Variants in WIPF2 observed in about 807,000 individuals in gnomAD.
WIPF2 encodes WAS/WASL interacting protein family member 2.
WIPF2 carries 23 observed loss-of-function variants against 38.8 expected under a neutral mutation model. That is an observed-to-expected ratio of 0.59 (90% CI 0.43 to 0.84). The LOEUF is 0.84. Among genes scored for constraint, WIPF2 ranks in the 40% least tolerant of loss-of-function variants. WIPF2 has a pLI of 0.00. For missense variants in WIPF2, 574 were observed against 580.5 expected, an observed-to-expected ratio of 0.99 and a Z score of 0.11; for synonymous variants, 210 against 223.2, an observed-to-expected ratio of 0.94 and a Z score of 0.53.
chr17:40,256,394 T>G lies in WIPF2; in HGVS notation c.-66T>G. On this transcript the variant is annotated 5_prime_UTR_variant, in exon 2 of 8. Transcript: ENST00000323571. The stretch of plus-strand genomic sequence containing the variant: ...TGAGTTTCTTTTTCATTTGCAGGTA[T>G]ATGAATGACCTAAAGGTACAAATAA... 1 of 1,571,952 alleles carries G rather than the reference T, an allele frequency of 6.4e-7. No homozygotes were observed. Among genetic ancestry groups the G allele is most frequent in the South Asian group, 1.2e-5 (1 of 82,942 alleles).
At chr17:40,234,509 A>G (rs1054052867) in intron 1 of WIPF2, among the ~76,000 whole-genome samples, 1 of 151,962 alleles carries the variant, frequency 6.6e-6, no homozygotes. Flanking sequence ...AGTTCCAGCT[A>G]TTTGGGAGGC....
Position 40,219,362 on chromosome 17 carries a change from GGGCGGTGGCGGC to G in WIPF2, c.-194_-183del, listed in dbSNP as rs983957332. On this transcript the variant is annotated 5_prime_UTR_variant, in exon 1 of 8. Transcript: ENST00000323571. Reference sequence around the variant, plus strand: ...AGATCCATTTCCGGGTTGGCAAAAGGGGCGGTGGCGGCGGCGGCGGCGGCGGCGGCGGCGGCG... The same window carrying G: ...AGATCCATTTCCGGGTTGGCAAAAGGGGCGGCGGCGGCGGCGGCGGCGGCG... The G allele has an allele frequency of 7.9e-6, 3 of 378,370 alleles. No individual in the cohort carries two copies. Among genetic ancestry groups the G allele is most frequent in the African/African-American group, 4.8e-5 (2 of 41,628 alleles). 23.4% of individuals were successfully genotyped at this position (378,370 alleles called of 1,614,324 possible). A position where few individuals can be genotyped will look rare whatever the true frequency, so the allele number is the denominator to read the frequency against.
intron 5 of WIPF2, among the ~76,000 whole-genome samples, 167 bp downstream of exon 5, chr17:40,265,313 CAAAA>C (rs996780699): frequency 2.0e-5 from 3 of 151,922 alleles, no homozygotes; most frequent in African/African-American, 7.3e-5. Flanking sequence ...ATAGAAAAGA[CAAAA>C]AAATTTGACA....
rs182166797 is a variant in WIPF2 at position 40,269,541 on chromosome 17, G to A, written c.971-4249G>A. 1.7e-3 allele frequency among the ~76,000 whole-genome samples: 252 copies of A among 144,428 alleles called. 3 individuals are homozygous for A. The highest frequency in any genetic ancestry group is 6.0e-3 in the African/African-American group (237 of 39,614). 94.8% of individuals were successfully genotyped at this position (144,428 alleles called of 152,430 possible). On this transcript the variant is annotated intron_variant, in intron 5 of 7. Transcript: ENST00000323571. ...CCGCCCCCCCAAAACCCAAAAACTAGCATTATTGGTTCATAGAGTTTGTTT... is the reference window on the plus strand; with the variant it reads ...CCGCCCCCCCAAAACCCAAAAACTAACATTATTGGTTCATAGAGTTTGTTT...
intron 1 of WIPF2, among the ~76,000 whole-genome samples, chr17:40,252,770 T>G (rs2031598649): frequency 6.9e-6 from 1 of 145,932 alleles, no homozygotes; most frequent in South Asian, 2.2e-4. Flanking sequence ...GTTTGTTTGG[T>G]TTTTTTTTTT....
intron 2 of WIPF2, among the ~76,000 whole-genome samples, chr17:40,257,086 C>T (rs546259805): frequency 6.6e-6 from 1 of 152,126 alleles, no homozygotes; most frequent in Admixed American, 6.6e-5. Flanking sequence ...TCAAGCGATT[C>T]TTCTGCCTCA....
At position 40,223,775 on chromosome 17, in the gene WIPF2, C is replaced by T. The variant is rs181275645; in HGVS notation, c.-70+4283C>T. Among the ~76,000 whole-genome samples the T allele has an allele frequency of 1.9e-3, 295 of 151,826 alleles. 7 individuals are homozygous for T. Among genetic ancestry groups the T allele is most frequent in the African/African-American group, 6.5e-3 (270 of 41,322 alleles). ...GCTAATTTTTGTATTTTTGTAGAGA[C>T]GAGGTTTCACTGTGTTGGTCAGGCT... is the stretch of plus-strand genomic sequence containing the variant. On this transcript the variant is annotated intron_variant, in intron 1 of 7. Transcript: ENST00000323571.
chr17:40,281,004 T>C lies in WIPF2; in HGVS notation c.*2779T>C, dbSNP rs776319359. The C allele has an allele frequency of 1.3e-5, 2 of 152,682 alleles. No individual in the cohort carries two copies. The highest frequency in any genetic ancestry group is 2.9e-5 in the Non-Finnish European group (2 of 68,044). The allele number at this position is 152,682 out of a possible 1,614,324, so 9.5% of individuals were successfully genotyped here. ...GATGGGAATGTGATCTGCATAGTTA[T>C]CAGTCTATTTTGTATGTTGTAAAAA... On this transcript the variant is annotated 3_prime_UTR_variant, in exon 8 of 8. Coordinates refer to ENST00000323571, the MANE Select transcript of WIPF2 (RefSeq NM_133264.5).
intron 1 of WIPF2, among the ~76,000 whole-genome samples, chr17:40,222,670 T>G (rs1160896957): frequency 2.5e-4 from 25 of 99,732 alleles, no homozygotes; most frequent in African/African-American, 1.0e-3. Flanking sequence ...TTTTTTTTTT[T>G]TTTTTTTTTT....
rs2031943007 is a variant in WIPF2, at chr17:40,262,458, C to T, written c.197-67C>T. The T allele has an allele frequency of 4.7e-6, 6 of 1,282,898 alleles. No homozygotes were observed. In the South Asian group the frequency reaches 7.3e-5, roughly 16 times the overall value. 79.5% of individuals were successfully genotyped at this position (1,282,898 alleles called of 1,614,324 possible). ...TAGCCCAGATAGAGGAGTGGTTTCC[C>T]CTCATGATTTACTTGGTCACCAGCT... On this transcript the variant is annotated intron_variant, in intron 3 of 7. Coordinates refer to ENST00000323571, the MANE Select transcript of WIPF2 (RefSeq NM_133264.5).
At chr17:40,247,109 G>A (rs532402607) in intron 1 of WIPF2, among the ~76,000 whole-genome samples, 3 of 148,484 alleles carry the variant, frequency 2.0e-5, no homozygotes, top group Non-Finnish European at 4.4e-5. Context: ...GCGATACTCC[G>A]TCTCAAAACA....
At chr17:40,260,293 T>C (rs950785794) in intron 2 of WIPF2, among the ~76,000 whole-genome samples, 30 of 150,300 alleles carry the variant, frequency 2.0e-4, no homozygotes, top group African/African-American at 6.9e-4. Flanking sequence ...GTTCAAGCGA[T>C]TCTCCTGTCT....
At chr17:40,277,265 C>T (rs2032430892) in intron 7 of WIPF2, 81 bp downstream of exon 7, 14 of 1,262,718 alleles carry the variant, frequency 1.1e-5, no homozygotes, top group African/African-American at 1.5e-5. Flanking sequence ...AAATTTGCTT[C>T]TCGCTGGGCA....
intron 2 of WIPF2, among the ~76,000 whole-genome samples, chr17:40,257,117 T>G (rs760137554): frequency 1.3e-5 from 2 of 152,082 alleles, no homozygotes; most frequent in Non-Finnish European, 2.9e-5. Context: ...TAGCTGGGAT[T>G]ACAGGCACGC....
At chr17:40,235,962 A>T (rs575107869) in intron 1 of WIPF2, among the ~76,000 whole-genome samples, 25 of 141,666 alleles carry the variant, frequency 1.8e-4, no homozygotes, top group Admixed American at 6.5e-4. Flanking sequence ...GATTAAAAAA[A>T]TTTTTTTTTT....
At position 40,223,340 on chromosome 17, in the gene WIPF2, T is replaced by C. The variant is rs573153340; in HGVS notation, c.-70+3848T>C. On this transcript the variant is annotated intron_variant, in intron 1 of 7. Transcript: ENST00000323571. ...TTTTAGTAGAGACAGGGTTTTGCCA[T>C]GTTGGCCAGGCTGGTCATTTACTAA... Among the ~76,000 whole-genome samples the C allele has an allele frequency of 1.1e-4, 16 of 152,104 alleles. No homozygotes were observed. The South Asian group carries it at 3.1e-3, about 30-fold the overall frequency.
chr17:40,273,842 TC>T lies in WIPF2; in HGVS notation c.1028del (p.Pro343HisfsTer36). Reference sequence around the variant, plus strand: ...GAAATGGTGCCAGGGATGCTCCCCCTCCCCCACCACCATACCGAATGCATGG... The same window carrying T: ...GAAATGGTGCCAGGGATGCTCCCCCTCCCCACCACCATACCGAATGCATGG... ...IRNGARDAPP[P>X]PPPYRMHGSE... On this transcript the variant is annotated frameshift_variant, in exon 6 of 8. Transcript: ENST00000323571. LOFTEE classifies it high-confidence loss of function. 7 of 1,124,908 alleles carry T rather than the reference TC, an allele frequency of 6.2e-6. No homozygotes were observed. Among genetic ancestry groups the T allele is most frequent in the African/African-American group, 2.5e-5 (1 of 40,308 alleles). The allele number at this position is 1,124,908 out of a possible 1,614,324, so 69.7% of individuals were successfully genotyped here. A position where few individuals can be genotyped will look rare whatever the true frequency, so the allele number is the denominator to read the frequency against.
At chr17:40,227,009 G>A (rs1341239415) in intron 1 of WIPF2, among the ~76,000 whole-genome samples, 1 of 151,986 alleles carries the variant, frequency 6.6e-6, no homozygotes, top group Non-Finnish European at 1.5e-5. Context: ...CCAAAGTGCT[G>A]GGATTACAGG....
At chr17:40,275,177 G>A (rs2032358858) in intron 6 of WIPF2, among the ~76,000 whole-genome samples, 1 of 145,722 alleles carries the variant, frequency 6.9e-6, no homozygotes, top group African/African-American at 2.6e-5. Flanking sequence ...GGAGGTGGAG[G>A]TTGCAGTGAG....
Sources: allele counts gnomAD v4.1 joint callset (sites outside exome capture counted in the v4.1 genomes callset), GRCh38; gene constraint gnomAD v4.1.1; transcripts MANE v1.5; gene names NCBI Gene and HGNC (gene_info 2026-07-23, HGNC 2026-07-21).